The following HYAL4 variants were observed in gnomAD, a reference collection of about 807,000 sequenced individuals.
The protein encoded by HYAL4 is hyaluronidase-4.
A neutral mutation model predicts 35.2 loss-of-function variants in HYAL4; 37 were observed. The ratio of observed to expected loss-of-function variants is 1.05; its 90% CI spans 0.81 to 1.38. The LOEUF (loss-of-function observed/expected upper bound fraction) is 1.38. Ranked by LOEUF, HYAL4 falls within the 40% of genes most tolerant of loss-of-function variation. The probability of loss-of-function intolerance (pLI) is 0.00; values close to 1 mark genes in which losing one functional copy is unlikely to be tolerated. For synonymous variants in HYAL4, 198 were observed against 203.2 expected, an observed-to-expected ratio of 0.97 and a Z score of 0.22; for missense variants, 572 against 572.4, an observed-to-expected ratio of 1.00 and a Z score of 0.01.
At chr7:123,872,307 C>T (rs1010778968) in intron 3 of HYAL4, among the ~76,000 whole-genome samples, 5 of 152,328 alleles carry the variant, frequency 3.3e-5, no homozygotes, top group South Asian at 4.1e-4. Context: ...GCCTCCTGTT[C>T]CATCTGTGAG....
the HYAL4 span, among the ~76,000 whole-genome samples, chr7:123,766,985 A>T: frequency 1.3e-5 from 2 of 152,136 alleles, no homozygotes; most frequent in African/African-American, 4.8e-5. Context: ...TAATCAAATC[A>T]TGTTTTTACT....
chr7:123,786,743 TATCTATCTATCTTTC>T, the HYAL4 span, among the ~76,000 whole-genome samples: 1 of 151,906 alleles, frequency 6.6e-6, no homozygotes, highest in Non-Finnish European at 1.5e-5. Context: ...TCTATCTATC[TATCTATCTATCTTTC>T]ATCTATCTAA....
At chr7:123,856,649 G>A (rs923780910) in intron 2 of HYAL4, among the ~76,000 whole-genome samples, 1 of 151,684 alleles carries the variant, frequency 6.6e-6, no homozygotes, top group African/African-American at 2.4e-5. Flanking sequence ...GTCCCTGTTA[G>A]GAGGCATGGG....
chr7:123,778,812 C>T, the HYAL4 span, among the ~76,000 whole-genome samples: 1 of 152,058 alleles, frequency 6.6e-6, no homozygotes, highest in African/African-American at 2.4e-5. Flanking sequence ...TCTAAATATT[C>T]CTTTTCAAAT....
At chr7:123,770,896 T>C in the HYAL4 span, among the ~76,000 whole-genome samples, 1 of 152,104 alleles carries the variant, frequency 6.6e-6, no homozygotes, top group African/African-American at 2.4e-5. Flanking sequence ...AAGATATGAA[T>C]TAGAGATGGG....
upstream of HYAL4, among the ~76,000 whole-genome samples, chr7:123,825,126 C>CTA (rs201986339): frequency 0.011 from 1,608 of 151,332 alleles, 25 homozygotes; most frequent in African/African-American, 0.037. Flanking sequence ...CTCTCTCTCT[C>CTA]TATATATATA....
upstream of HYAL4, among the ~76,000 whole-genome samples, chr7:123,827,070 A>G (rs1805810588): frequency 1.3e-5 from 2 of 152,078 alleles, no homozygotes; most frequent in Admixed American, 6.6e-5. Flanking sequence ...TAATCAATTC[A>G]GGGATAAGGT....
chr7:123,783,006 T>TTATATATTTGATTATATATTTATAAA, the HYAL4 span, among the ~76,000 whole-genome samples: 1 of 151,832 alleles, frequency 6.6e-6, no homozygotes, highest in African/African-American at 2.4e-5. Context: ...ATATATAATC[T>TTATATATTTGATTATATATTTATAAA]TTTGATTATA....
At chr7:123,797,932 C>CAAT in the HYAL4 span, among the ~76,000 whole-genome samples, 8 of 152,010 alleles carry the variant, frequency 5.3e-5, no homozygotes, top group Admixed American at 3.3e-4. Flanking sequence ...ACACCTATGG[C>CAAT]AATAATAATA....
the HYAL4 span, among the ~76,000 whole-genome samples, chr7:123,815,726 A>G: frequency 2.6e-5 from 4 of 152,178 alleles, no homozygotes; most frequent in African/African-American, 9.6e-5. Context: ...TAAGGATTCA[A>G]TCATTGGATA....
chr7:123,789,099 A>G, the HYAL4 span, among the ~76,000 whole-genome samples: 1 of 152,228 alleles, frequency 6.6e-6, no homozygotes, highest in Non-Finnish European at 1.5e-5. Flanking sequence ...GCACATATTT[A>G]TGAAGACATC....
chr7:123,787,753 G>T, the HYAL4 span, among the ~76,000 whole-genome samples: 1 of 152,156 alleles, frequency 6.6e-6, no homozygotes, highest in Non-Finnish European at 1.5e-5. Context: ...TAAGAGTTCA[G>T]TGTGTGTTTA....
chr7:123,779,693 CTT>C, the HYAL4 span, among the ~76,000 whole-genome samples: 1,320 of 151,948 alleles, frequency 8.7e-3, 20 homozygotes, highest in African/African-American at 0.03. Flanking sequence ...TCTAGGTAAA[CTT>C]TTTAATAGTA....
At chr7:123,808,810 C>T in the HYAL4 span, among the ~76,000 whole-genome samples, 1 of 152,120 alleles carries the variant, frequency 6.6e-6, no homozygotes, top group Non-Finnish European at 1.5e-5. Flanking sequence ...CTGGTGAGGG[C>T]CTGCTCCTTA....
At chr7:123,857,687 TTC>T (rs1049135898) in intron 2 of HYAL4, among the ~76,000 whole-genome samples, 4 of 146,730 alleles carry the variant, frequency 2.7e-5, no homozygotes, top group Non-Finnish European at 6.0e-5. Flanking sequence ...CTTTCTTTCT[TTC>T]TTTCTTTCTT....
In HYAL4 at chr7:123,868,863, C is replaced by T. The variant is rs1305333152; in HGVS notation, c.590C>T (p.Ala197Val). Residue 197 changes from alanine to valine, a missense_variant, in exon 3 of 5, where the codon GCT becomes GTT. Ala to Val is a moderately conservative substitution (Grantham distance 64). Transcript: ENST00000223026. ...AKVTFEESAK[A>V]FMKETIKLGI... is the part of the protein sequence containing the mutation. ...GTGACCTTTGAAGAAAGTGCAAAAGCTTTCATGAAGGAAACCATCAAATTG... is the reference window on the plus strand; with the variant it reads ...GTGACCTTTGAAGAAAGTGCAAAAGTTTTCATGAAGGAAACCATCAAATTG... 6 of 1,614,034 alleles carry T rather than the reference C, an allele frequency of 3.7e-6. No homozygotes were observed. Among genetic ancestry groups the T allele is most frequent in the Non-Finnish European group, 5.1e-6 (6 of 1,180,020 alleles).
At chr7:123,866,561 T>C (rs12706554) in intron 2 of HYAL4, among the ~76,000 whole-genome samples, 22,497 of 152,184 alleles carry the variant, frequency 0.15, 1,841 homozygotes, top group Non-Finnish European at 0.18. Flanking sequence ...AAATGTCTAC[T>C]GGACACCTTA....
chr7:123,808,980 T>G, the HYAL4 span, among the ~76,000 whole-genome samples: 1 of 152,124 alleles, frequency 6.6e-6, no homozygotes, highest in East Asian at 1.9e-4. Flanking sequence ...AGAGATTAGG[T>G]TTCAACATAT....
intron 1 of HYAL4, 74 bp from the exon 2 acceptor site, chr7:123,848,015 T>C (rs1433696856): frequency 6.6e-6 from 1 of 152,626 alleles, no homozygotes; most frequent in African/African-American, 2.4e-5. Context: ...TAAAGAGATT[T>C]AATGCAAGCC....
Sources: gnomAD v4.1 joint callset for allele counts (sites outside exome capture counted in the v4.1 genomes callset) on GRCh38, gnomAD v4.1.1 for gene constraint, MANE v1.5 for transcripts, NCBI Gene and HGNC (gene_info 2026-07-23, HGNC 2026-07-21) for gene names.